MYO9A: variants seen among roughly 807,000 people sequenced by gnomAD.
MYO9A encodes unconventional myosin-IXa.
In MYO9A, 103 loss-of-function variants were observed where a neutral mutation model predicts 293.3. The ratio of observed to expected loss-of-function variants is 0.35; its 90% CI spans 0.30 to 0.41. The LOEUF is 0.41. Among genes scored for constraint, MYO9A ranks in the 10% least tolerant of loss-of-function variants. The pLI is 1.00. For missense variants in MYO9A, 2,685 were observed against 3,033.0 expected (o/e 0.89, Z 2.69); for synonymous variants, 1,001 against 1,035.7 (o/e 0.97, Z 0.64).
chr15:72,035,041 C>T (rs146214588), intron 2 of MYO9A, among the ~76,000 whole-genome samples: 117 of 152,186 alleles, frequency 7.7e-4, no homozygotes, highest in Non-Finnish European at 1.4e-3. Context: ...ACAGAAATTC[C>T]GTCAAGACCA....
chr15:71,834,363 G>A (rs1310879696), intron 39 of MYO9A, among the ~76,000 whole-genome samples: 1 of 151,972 alleles, frequency 6.6e-6, no homozygotes, highest in Non-Finnish European at 1.5e-5. Flanking sequence ...AGATTTCAGT[G>A]GCAAAGAAGA....
chr15:72,114,799 A>G (rs751374858), intron 1 of MYO9A, among the ~76,000 whole-genome samples: 5 of 152,188 alleles, frequency 3.3e-5, no homozygotes, highest in Admixed American at 2.6e-4. Flanking sequence ...TGTGGTTTTT[A>G]AAATGTCTGA....
Position 72,118,015 on chromosome 15 carries a change from G to A in MYO9A, c.-407C>T, listed in dbSNP as rs1679501728. Reference sequence around the variant, plus strand: ...TCCGCCGCCGCCTCTCGCAGTCCGGGCTGTCCTGTACTCTCTCAACAGACA... The same window carrying A: ...TCCGCCGCCGCCTCTCGCAGTCCGGACTGTCCTGTACTCTCTCAACAGACA... On this transcript the variant is annotated 5_prime_UTR_variant, in exon 1 of 42. Coordinates refer to ENST00000356056, the MANE Select transcript of MYO9A (RefSeq NM_006901.4). 5.0e-6 allele frequency: 2 copies of A among 398,400 alleles called. No individual in the cohort carries two copies. Among genetic ancestry groups the A allele is most frequent in the Non-Finnish European group, 8.8e-6 (2 of 226,124 alleles). The allele number at this position is 398,400 out of a possible 1,614,324, so 24.7% of individuals were successfully genotyped here.
At chr15:72,003,180 A>C (rs2076917080) in intron 8 of MYO9A, among the ~76,000 whole-genome samples, 1 of 151,902 alleles carries the variant, frequency 6.6e-6, no homozygotes, top group Admixed American at 6.6e-5. Context: ...GAGGCAGGAG[A>C]ATCGCTTGAA....
rs28573725 is a variant in MYO9A, at chr15:72,109,851, G to C, written c.-72+7829C>G. Among the ~76,000 whole-genome samples the C allele has an allele frequency of 1.9e-4, 29 of 151,484 alleles. No individual in the cohort carries two copies. The South Asian group carries it at 5.9e-3, about 31-fold the overall frequency. ...GTGGAGGCTGCAGTGAGCCAAGATC[G>C]CACCACTGCACTGTAGCCTGGGCGA... On this transcript the variant is annotated intron_variant, in intron 1 of 41. Coordinates refer to ENST00000356056, the MANE Select transcript of MYO9A (RefSeq NM_006901.4).
At chr15:72,063,984 A>G (rs1360464208) in intron 1 of MYO9A, among the ~76,000 whole-genome samples, 4 of 152,234 alleles carry the variant, frequency 2.6e-5, no homozygotes, top group Admixed American at 2.6e-4. Flanking sequence ...GCCATAAAAA[A>G]AGAATGAGAT....
rs746777142 is a variant in MYO9A, at chr15:71,938,903, G to A, written c.2327C>T (p.Thr776Ile). The A allele has an allele frequency of 3.1e-6, 5 of 1,610,640 alleles. No individual in the cohort carries two copies. Among genetic ancestry groups the A allele is most frequent in the Non-Finnish European group, 4.2e-6 (5 of 1,178,502 alleles). Residue 776 changes from threonine to isoleucine, a missense_variant, in exon 16 of 42, where the codon ACA (threonine) becomes ATA (isoleucine). By Grantham distance (89) the Thr-to-Ile change is moderately conservative. Around this residue, in one of 10 missense-constraint regions of MYO9A, gnomAD observed 1,434 missense variants for 1,497.7 expected, o/e 0.96. Coordinates refer to ENST00000356056, the MANE Select transcript of MYO9A (RefSeq NM_006901.4). ...CATGCCCTGGAGATCAGAAAGAGGT[G>A]TTCTGGGATTTTTCCGGGTTATACC... ...KYSITRKNPR[T>I]PLSDLQGMNA...
At chr15:71,964,472 C>T (rs1472506089) in intron 13 of MYO9A, among the ~76,000 whole-genome samples, 1 of 151,998 alleles carries the variant, frequency 6.6e-6, no homozygotes, top group Non-Finnish European at 1.5e-5. Flanking sequence ...CATGGCGAAA[C>T]CCCATCTCTA....
chr15:71,984,895 T>C (rs1389122288), intron 11 of MYO9A, among the ~76,000 whole-genome samples: 1 of 152,124 alleles, frequency 6.6e-6, no homozygotes, highest in Non-Finnish European at 1.5e-5. Flanking sequence ...TCCACTGTGG[T>C]ATTATTATCT....
At chr15:72,001,174 A>T (rs2076854070) in intron 8 of MYO9A, among the ~76,000 whole-genome samples, 1 of 152,222 alleles carries the variant, frequency 6.6e-6, no homozygotes. Flanking sequence ...GTGGTAAAAC[A>T]AGGACATTTT....
At chr15:71,978,927 T>A (rs1019815119) in intron 11 of MYO9A, among the ~76,000 whole-genome samples, 9 of 152,252 alleles carry the variant, frequency 5.9e-5, no homozygotes, top group Non-Finnish European at 1.2e-4. Flanking sequence ...TTCATCCTTG[T>A]GATACTTTCA....
At chr15:72,103,444 A>C (rs929637327) in intron 1 of MYO9A, among the ~76,000 whole-genome samples, 20 of 144,756 alleles carry the variant, frequency 1.4e-4, no homozygotes, top group Admixed American at 1.3e-4. Flanking sequence ...GCAGAAGCAG[A>C]AGCAGCAGCA....
Position 71,960,713 on chromosome 15 carries a change from T to C in MYO9A, c.1987-617A>G, listed in dbSNP as rs575059270. ...AAACTATTGATTTCTATAATACATG[T>C]AAGTTAGAATAAATATTCTATAATT... On this transcript the variant is annotated intron_variant, in intron 13 of 41. Transcript: ENST00000356056. 3.3e-5 allele frequency among the ~76,000 whole-genome samples: 5 copies of C among 152,340 alleles called. 1 individual carries two copies. The South Asian group carries it at 1.0e-3, about 32-fold the overall frequency.
chr15:71,897,832 T>C lies in MYO9A; in HGVS notation c.4671A>G (p.Pro1557=), dbSNP rs1359123911. 9.9e-6 allele frequency: 16 copies of C among 1,614,096 alleles called. No individual in the cohort carries two copies. Among genetic ancestry groups the C allele is most frequent in the Non-Finnish European group, 1.3e-5 (15 of 1,180,004 alleles). ...SYQSKQRVER[P]SSLLSLNTSN... ...AGGTATTTAAGCTGAGGAGAGAGGA[T>C]GGCCTCTCTACTCTTTGCTTTGACT... Residue 1557 remains proline (P), a synonymous_variant, in exon 25 of 42, where the codon CCA becomes CCG. Coordinates refer to ENST00000356056, the MANE Select transcript of MYO9A (RefSeq NM_006901.4).
intron 9 of MYO9A, among the ~76,000 whole-genome samples, chr15:71,994,819 G>A (rs142517996): frequency 4.6e-5 from 7 of 152,270 alleles, no homozygotes; most frequent in East Asian, 1.9e-4. Context: ...GGCAGCCTCC[G>A]TCTCCTGGGT....
intron 21 of MYO9A, among the ~76,000 whole-genome samples, chr15:71,903,336 CAAAGA>C (rs889193867): frequency 9.2e-5 from 14 of 151,536 alleles, no homozygotes; most frequent in Admixed American, 6.6e-4. Context: ...TATAAAAGAC[CAAAGA>C]AAAGGGTATT....
chr15:71,845,628 T>C (rs2055352251), intron 39 of MYO9A, among the ~76,000 whole-genome samples: 2 of 152,238 alleles, frequency 1.3e-5, no homozygotes, highest in Non-Finnish European at 2.9e-5. Context: ...ATCAAGGTAA[T>C]GATACCAAAT....
chr15:72,111,813 A>C (rs1024226218), intron 1 of MYO9A, among the ~76,000 whole-genome samples: 1 of 151,824 alleles, frequency 6.6e-6, no homozygotes, highest in Non-Finnish European at 1.5e-5. Flanking sequence ...TTTAATAATA[A>C]TTTTGTCATT....
intron 32 of MYO9A, among the ~76,000 whole-genome samples, chr15:71,868,067 A>T (rs1004758156): frequency 2.6e-5 from 4 of 152,218 alleles, no homozygotes; most frequent in African/African-American, 9.6e-5. Context: ...GACGCTTCTC[A>T]GAGTCAGAGA....
Sources: allele counts gnomAD v4.1 joint callset (sites outside exome capture counted in the v4.1 genomes callset), GRCh38; gene constraint gnomAD v4.1.1; regional missense constraint gnomAD v4.1.1; transcripts MANE v1.5; gene names NCBI Gene and HGNC (gene_info 2026-07-23, HGNC 2026-07-21).